CCDC148: variants seen among roughly 807,000 people sequenced by gnomAD.
CCDC148 encodes the protein coiled-coil domain containing 148, also known as coiled-coil domain-containing protein 148.
CCDC148 carries 89 observed loss-of-function variants against 85.7 expected under a neutral mutation model. The ratio of observed to expected loss-of-function variants is 1.04; its 90% CI spans 0.87 to 1.24. The LOEUF (loss-of-function observed/expected upper bound fraction) is 1.24, where lower values mean the gene tolerates loss of function less well. CCDC148 is among the 50% of genes most tolerant of loss of function. The pLI is 0.00. For synonymous variants in CCDC148, 230 were observed against 213.9 expected (o/e 1.08, Z -0.66); for missense variants, 692 against 671.7 (o/e 1.03, Z -0.33).
intron 7 of CCDC148, among the ~76,000 whole-genome samples, chr2:158,315,555 G>T (rs577858527): frequency 2.6e-5 from 4 of 151,952 alleles, no homozygotes; most frequent in Non-Finnish European, 5.9e-5. Context: ...TGTGCCCTGG[G>T]AAGGGGGAAG....
chr2:158,314,632 T>C, intron 7 of CCDC148, among the ~76,000 whole-genome samples: 1 of 152,212 alleles, frequency 6.6e-6, no homozygotes, highest in Non-Finnish European at 1.5e-5. Flanking sequence ...TTGTGCAGAG[T>C]GAAAAGTTTG....
rs552251876 is a variant in CCDC148, at chr2:158,283,051, G to A, written c.1110+26382C>T. On this transcript the variant is annotated intron_variant, in intron 9 of 13. Transcript: ENST00000283233. Reference sequence around the variant, plus strand: ...GGAAAGGATTCCCTATTTAATAAATGGTGCTGGGAAAACTGGCTAGCCATA... The same window carrying A: ...GGAAAGGATTCCCTATTTAATAAATAGTGCTGGGAAAACTGGCTAGCCATA... Among the ~76,000 whole-genome samples, 381 of 152,272 alleles carry A rather than the reference G, an allele frequency of 2.5e-3. 1 individual carries two copies. The highest frequency in any genetic ancestry group is 8.5e-3 in the African/African-American group (354 of 41,556).
intron 10 of CCDC148, among the ~76,000 whole-genome samples, chr2:158,223,236 A>C (rs938563492): frequency 7.2e-5 from 11 of 152,148 alleles, no homozygotes; most frequent in African/African-American, 2.7e-4. Flanking sequence ...CAGCAGTCTT[A>C]GATCAAACTG....
chr2:158,304,124 G>A (rs968712186), intron 9 of CCDC148, among the ~76,000 whole-genome samples: 1 of 152,106 alleles, frequency 6.6e-6, no homozygotes, highest in African/African-American at 2.4e-5. Context: ...CACAGTCTTG[G>A]TTCAAAATCA....
intron 1 of CCDC148, among the ~76,000 whole-genome samples, chr2:158,364,830 A>G (rs1684125439): frequency 6.6e-6 from 1 of 152,248 alleles, no homozygotes; most frequent in Non-Finnish European, 1.5e-5. Flanking sequence ...ATTAAAATAA[A>G]GAGCTTCTAC....
intron 2 of CCDC148, among the ~76,000 whole-genome samples, chr2:158,351,467 G>GGTGACGAAAGAAA (rs1553511222): frequency 6.7e-6 from 1 of 150,270 alleles, no homozygotes; most frequent in East Asian, 2.0e-4. Context: ...TCAAAGAAAG[G>GGTGACGAAAGAAA]GGCACCTGGA....
At chr2:158,299,609 C>T (rs113028335) in intron 9 of CCDC148, among the ~76,000 whole-genome samples, 1,649 of 152,316 alleles carry the variant, frequency 0.011, 21 homozygotes, top group African/African-American at 0.034. Flanking sequence ...TATCCAATGC[C>T]TGCAAACATT....
intron 1 of CCDC148, among the ~76,000 whole-genome samples, chr2:158,416,347 C>T (rs552249658): frequency 6.6e-6 from 1 of 152,308 alleles, no homozygotes; most frequent in Non-Finnish European, 1.5e-5. Context: ...CTCCTCTTTA[C>T]TTAGGCAAAT....
Position 158,183,814 on chromosome 2 carries a change from T to C in CCDC148, c.1371-4818A>G, listed in dbSNP as rs563382940. Among the ~76,000 whole-genome samples, 9 of 152,258 alleles carry C rather than the reference T, an allele frequency of 5.9e-5. No individual in the cohort carries two copies. The South Asian group carries it at 1.9e-3, about 32-fold the overall frequency. ...GAGGTGCTACTATCAGGTGTTTCAG[T>C]GGCAGCATCACGGGGAACCTGTTTC... On this transcript the variant is annotated intron_variant, in intron 11 of 13. Coordinates refer to ENST00000283233, the MANE Select transcript of CCDC148 (RefSeq NM_138803.4).
chr2:158,280,206 A>C, intron 9 of CCDC148, among the ~76,000 whole-genome samples: 1 of 152,246 alleles, frequency 6.6e-6, no homozygotes, highest in East Asian at 1.9e-4. Context: ...GACTTGGAAG[A>C]AACTGCATCA....
chr2:158,282,942 T>C (rs1456185408), intron 9 of CCDC148, among the ~76,000 whole-genome samples: 1 of 152,196 alleles, frequency 6.6e-6, no homozygotes, highest in South Asian at 2.1e-4. Flanking sequence ...TATAGATCAA[T>C]GGAACAGAAC....
At chr2:158,433,085 AAAAAAAAT>A (rs1687436343) in intron 1 of CCDC148, among the ~76,000 whole-genome samples, 1 of 46,614 alleles carries the variant, frequency 2.1e-5, no homozygotes, top group South Asian at 1.4e-3. Context: ...AAAAAAAAAA[AAAAAAAAT>A]ATATATATAT....
intron 1 of CCDC148, among the ~76,000 whole-genome samples, chr2:158,388,777 G>A (rs1685190912): frequency 6.6e-6 from 1 of 152,160 alleles, no homozygotes; most frequent in Non-Finnish European, 1.5e-5. Context: ...TTACAGGTGT[G>A]AGCCACCACA....
chr2:158,204,533 G>A (rs1317721687), intron 11 of CCDC148, among the ~76,000 whole-genome samples: 1 of 152,106 alleles, frequency 6.6e-6, no homozygotes, highest in East Asian at 1.9e-4. Context: ...AAGAAGCCGA[G>A]CTTCATGGAG....
chr2:158,380,380 T>C (rs1490576380), intron 1 of CCDC148, among the ~76,000 whole-genome samples: 1 of 152,104 alleles, frequency 6.6e-6, no homozygotes. Context: ...AAAAATAGCA[T>C]ATCCTCAAAA....
intron 10 of CCDC148, among the ~76,000 whole-genome samples, chr2:158,242,815 C>T (rs1203051473): frequency 5.9e-5 from 9 of 152,008 alleles, no homozygotes; most frequent in Non-Finnish European, 1.2e-4. Context: ...ATAAAGGTGT[C>T]TTTGGACTGC....
At chr2:158,384,148 G>A (rs1474557597) in intron 1 of CCDC148, among the ~76,000 whole-genome samples, 2 of 152,108 alleles carry the variant, frequency 1.3e-5, no homozygotes, top group Non-Finnish European at 2.9e-5. Flanking sequence ...CATTACTGAT[G>A]CTATTGACTT....
chr2:158,275,917 T>TA (rs1338526989), intron 9 of CCDC148, among the ~76,000 whole-genome samples: 5 of 152,138 alleles, frequency 3.3e-5, no homozygotes, highest in Admixed American at 1.3e-4. Context: ...CCTGAACATC[T>TA]ATTCACTTTA....
rs1275955671 is a variant in CCDC148 at position 158,340,602 on chromosome 2, ATT to A, written c.328_329del (p.Asn110PhefsTer2). Reference protein sequence around the residue: ...IGNECLCDLTNFEQELSEQQC... With the variant: ...IGNECLCDLTXFEQELSEQQC... ...ATAGGATCAAAAAAATCTTACCAAA[ATT>A]TGTAAGGTCACAAAGACATTCATTT... On this transcript the variant is annotated frameshift_variant, in exon 4 of 14. Transcript: ENST00000283233. LOFTEE classifies it high-confidence loss of function. The A allele has an allele frequency of 1.3e-6, 2 of 1,577,694 alleles. No homozygotes were observed.
Sources: gnomAD v4.1 joint callset for allele counts (sites outside exome capture counted in the v4.1 genomes callset) on GRCh38, gnomAD v4.1.1 for gene constraint, MANE v1.5 for transcripts, NCBI Gene and HGNC (gene_info 2026-07-23, HGNC 2026-07-21) for gene names.